Variants in LHFPL3 observed in about 807,000 individuals in gnomAD.
LHFPL3 encodes LHFPL tetraspan subfamily member 3 protein.
LHFPL3 carries 5 observed loss-of-function variants against 19.3 expected under a neutral mutation model. The ratio of observed to expected loss-of-function variants is 0.26; its 90% CI spans 0.14 to 0.54. The LOEUF (loss-of-function observed/expected upper bound fraction) is 0.54, where lower values mean the gene tolerates loss of function less well. Ranked by LOEUF, LHFPL3 falls within the 20% of genes least tolerant of loss-of-function variation. The pLI, the probability that LHFPL3 is intolerant of heterozygous loss-of-function variation, is 0.94. For synonymous variants in LHFPL3, 133 were observed against 126.2 expected (o/e 1.05, Z -0.36); for missense variants, 249 against 307.4 (o/e 0.81, Z 1.42).
At chr7:104,483,692 T>C (rs1793181623) in intron 1 of LHFPL3, among the ~76,000 whole-genome samples, 1 of 152,198 alleles carries the variant, frequency 6.6e-6, no homozygotes, top group Non-Finnish European at 1.5e-5. Context: ...CGATCATCAC[T>C]GCAGCCTCAA....
chr7:104,709,080 A>C (rs190741137), intron 1 of LHFPL3, among the ~76,000 whole-genome samples: 11 of 152,238 alleles, frequency 7.2e-5, no homozygotes, highest in African/African-American at 2.4e-4. Flanking sequence ...TATTGCTCTA[A>C]AGTTCAACAA....
intron 1 of LHFPL3, among the ~76,000 whole-genome samples, chr7:104,543,240 C>G (rs908072500): frequency 6.6e-6 from 1 of 151,928 alleles, no homozygotes; most frequent in Non-Finnish European, 1.5e-5. Context: ...GTTAGAATGG[C>G]GATCATTAAA....
intron 1 of LHFPL3, among the ~76,000 whole-genome samples, chr7:104,512,545 G>A (rs1793838964): frequency 6.6e-6 from 1 of 151,930 alleles, no homozygotes; most frequent in Admixed American, 6.6e-5. Context: ...AGAGCAGCCT[G>A]GCCAACATGG....
chr7:104,906,406 G>A lies in LHFPL3; in HGVS notation c.*191G>A. 3.2e-6 allele frequency: 2 copies of A among 617,766 alleles called. No homozygotes were observed. Among genetic ancestry groups the A allele is most frequent in the Middle Eastern group, 3.1e-4 (1 of 3,258 alleles). The allele number at this position is 617,766 out of a possible 1,614,324, so 38.3% of individuals were successfully genotyped here. A position where few individuals can be genotyped will look rare whatever the true frequency, so the allele number is the denominator to read the frequency against. On this transcript the variant is annotated 3_prime_UTR_variant, in exon 3 of 3. Coordinates refer to ENST00000424859, the MANE Select transcript of LHFPL3 (RefSeq NM_199000.3). ...AATCTAGATCAGCAGAGATGGGAGT[G>A]ATTTTCTGGAAAGAGATGTGATCAT...
At chr7:104,422,036 G>T (rs2116535664) in intron 1 of LHFPL3, among the ~76,000 whole-genome samples, 1 of 152,252 alleles carries the variant, frequency 6.6e-6, no homozygotes. Context: ...TGTCATCCTG[G>T]TCTTGGACTT....
chr7:104,860,829 T>G (rs564943338), intron 2 of LHFPL3, among the ~76,000 whole-genome samples: 1 of 152,294 alleles, frequency 6.6e-6, no homozygotes, highest in South Asian at 2.1e-4. Context: ...TAAGCTTATA[T>G]CTCCTGTCTC....
intron 1 of LHFPL3, among the ~76,000 whole-genome samples, chr7:104,693,696 C>CTT (rs55922716): frequency 1.4e-5 from 2 of 140,548 alleles, no homozygotes; most frequent in African/African-American, 2.6e-5. Flanking sequence ...CTTTTCTTTT[C>CTT]TTTTTTTTTT....
intron 1 of LHFPL3, among the ~76,000 whole-genome samples, chr7:104,656,543 G>A (rs562521448): frequency 6.6e-4 from 101 of 152,328 alleles, no homozygotes; most frequent in African/African-American, 2.3e-3. Context: ...CCCTGAGTAA[G>A]GGATAGATCG....
At chr7:104,659,012 G>A (rs1394329122) in intron 1 of LHFPL3, among the ~76,000 whole-genome samples, 4 of 152,140 alleles carry the variant, frequency 2.6e-5, no homozygotes, top group African/African-American at 7.2e-5. Flanking sequence ...GAAATTTACC[G>A]AGGTTCAGTG....
intron 1 of LHFPL3, among the ~76,000 whole-genome samples, chr7:104,402,528 C>T (rs551238062): frequency 1.9e-4 from 29 of 152,250 alleles, no homozygotes; most frequent in East Asian, 3.9e-4. Flanking sequence ...AAGTTTGTGG[C>T]TGAGAATCGT....
At chr7:104,708,076 G>T (rs376430583) in intron 1 of LHFPL3, among the ~76,000 whole-genome samples, 2 of 152,166 alleles carry the variant, frequency 1.3e-5, no homozygotes, top group Non-Finnish European at 1.5e-5. Context: ...TTTTCCCCTT[G>T]CTTTCAAAGG....
intron 1 of LHFPL3, among the ~76,000 whole-genome samples, chr7:104,623,587 G>A (rs555415215): frequency 2.8e-4 from 43 of 152,316 alleles, no homozygotes; most frequent in African/African-American, 9.9e-4. Context: ...CTGAGATCAC[G>A]CCTCTGCATG....
intron 2 of LHFPL3, among the ~76,000 whole-genome samples, chr7:104,743,246 C>G (rs1325544494): frequency 6.6e-6 from 1 of 152,142 alleles, no homozygotes; most frequent in Admixed American, 6.5e-5. Context: ...ACTCATACCA[C>G]CAAGAGTAGA....
chr7:104,746,258 A>T (rs375092671), intron 2 of LHFPL3, among the ~76,000 whole-genome samples: 42 of 152,050 alleles, frequency 2.8e-4, no homozygotes, highest in African/African-American at 9.9e-4. Flanking sequence ...GTTGCAGTGA[A>T]CCAAGATCAT....
intron 2 of LHFPL3, among the ~76,000 whole-genome samples, chr7:104,830,428 T>C (rs566712370): frequency 2.7e-4 from 41 of 152,080 alleles, no homozygotes; most frequent in African/African-American, 8.7e-4. Flanking sequence ...CTGAATGGTA[T>C]TGCCTAGGTT....
intron 2 of LHFPL3, among the ~76,000 whole-genome samples, chr7:104,891,236 C>A (rs1792236375): frequency 6.6e-6 from 1 of 151,986 alleles, no homozygotes; most frequent in African/African-American, 2.4e-5. Context: ...ACAATCACAG[C>A]AGATTCAGAG....
At chr7:104,750,005 G>A (rs538573789) in intron 2 of LHFPL3, among the ~76,000 whole-genome samples, 130 of 152,178 alleles carry the variant, frequency 8.5e-4, no homozygotes, top group South Asian at 1.5e-3. Flanking sequence ...TGACTCATGG[G>A]GCTATATAAT....
At chr7:104,867,633 G>A (rs1194239510) in intron 2 of LHFPL3, among the ~76,000 whole-genome samples, 3 of 152,134 alleles carry the variant, frequency 2.0e-5, no homozygotes, top group Non-Finnish European at 1.5e-5. Context: ...AGTCACAGCT[G>A]AATTCTACCA....
chr7:104,585,382 C>T (rs1260113278), intron 1 of LHFPL3, among the ~76,000 whole-genome samples: 6 of 151,892 alleles, frequency 4.0e-5, no homozygotes, highest in African/African-American at 9.7e-5. Context: ...CTTCAGCATT[C>T]GTCATCATCC....
Sources: allele counts gnomAD v4.1 joint callset (sites outside exome capture counted in the v4.1 genomes callset), GRCh38; gene constraint gnomAD v4.1.1; transcripts MANE v1.5; gene names NCBI Gene and HGNC (gene_info 2026-07-23, HGNC 2026-07-21).